The following OLFM3 variants were observed in gnomAD, a reference collection of about 807,000 sequenced individuals.
The protein encoded by OLFM3 is olfactomedin 3, also known as noelin-3.
In OLFM3, 20 loss-of-function variants were observed where a neutral mutation model predicts 48.6. The observed-to-expected ratio is 0.41, with a 90% CI of 0.29 to 0.60. The LOEUF (loss-of-function observed/expected upper bound fraction) is 0.60, where lower values mean the gene tolerates loss of function less well. OLFM3 is among the 20% of genes least tolerant of loss of function. The pLI, the probability that OLFM3 is intolerant of heterozygous loss-of-function variation, is 0.28. For synonymous variants in OLFM3, 222 were observed against 198.1 expected, an observed-to-expected ratio of 1.12 and a Z score of -1.01; for missense variants, 437 against 544.3, an observed-to-expected ratio of 0.80 and a Z score of 1.96.
intron 1 of OLFM3, chr1:101,910,262 C>G (rs1158576091): frequency 3.6e-6 from 1 of 274,464 alleles, no homozygotes; most frequent in Non-Finnish European, 5.6e-6. Context: ...GTCAGGAGAT[C>G]GAGACCATTC....
chr1:101,961,987 T>C (rs1191856398), intron 1 of OLFM3, among the ~76,000 whole-genome samples: 3 of 152,326 alleles, frequency 2.0e-5, no homozygotes, highest in South Asian at 2.1e-4. Flanking sequence ...TTAACACTTC[T>C]GTCAACATTT....
intron 3 of OLFM3, 152 bp from the exon 4 acceptor site, chr1:101,825,397 A>G: frequency 1.5e-6 from 1 of 651,256 alleles, no homozygotes; most frequent in Non-Finnish European, 2.6e-6. Flanking sequence ...TGAAAATTTA[A>G]GCGGTCATGT....
At chr1:101,908,932 G>C (rs1004644846) in intron 1 of OLFM3, among the ~76,000 whole-genome samples, 1 of 152,158 alleles carries the variant, frequency 6.6e-6, no homozygotes, top group Non-Finnish European at 1.5e-5. Flanking sequence ...TTTGGTTCCA[G>C]AACTATAAAA....
chr1:101,945,348 A>G (rs1194375840), intron 1 of OLFM3, among the ~76,000 whole-genome samples: 3 of 152,246 alleles, frequency 2.0e-5, no homozygotes, highest in Non-Finnish European at 4.4e-5. Context: ...AACTATTGAT[A>G]TACACAACAA....
At chr1:101,849,885 A>T (rs1032884921) in intron 1 of OLFM3, among the ~76,000 whole-genome samples, 8 of 152,166 alleles carry the variant, frequency 5.3e-5, no homozygotes, top group Non-Finnish European at 8.8e-5. Context: ...AAGAAGATAG[A>T]ATTTATTGTC....
intron 1 of OLFM3, among the ~76,000 whole-genome samples, chr1:101,845,518 C>A (rs1655951674): frequency 6.6e-6 from 1 of 152,020 alleles, no homozygotes; most frequent in African/African-American, 2.4e-5. Context: ...GTTAATTCAA[C>A]AATGATGTTG....
intron 1 of OLFM3, among the ~76,000 whole-genome samples, chr1:101,876,884 C>A (rs1219901952): frequency 1.3e-5 from 2 of 151,822 alleles, no homozygotes; most frequent in East Asian, 3.9e-4. Flanking sequence ...GGGATGGACA[C>A]AAGATTTGCA....
chr1:101,956,100 T>TA (rs55742266), intron 1 of OLFM3, among the ~76,000 whole-genome samples: 13 of 145,530 alleles, frequency 8.9e-5, no homozygotes, highest in Non-Finnish European at 1.4e-4. Flanking sequence ...TTTTTTTTTT[T>TA]TTTAAAAAAA....
chr1:101,988,045 G>T (rs903029145), intron 1 of OLFM3, among the ~76,000 whole-genome samples: 9 of 151,878 alleles, frequency 5.9e-5, no homozygotes, highest in African/African-American at 2.2e-4. Context: ...GTAGAAAAAT[G>T]GAGGCAATAT....
At chr1:101,817,334 T>G (rs1188855212) in intron 4 of OLFM3, among the ~76,000 whole-genome samples, 1 of 152,146 alleles carries the variant, frequency 6.6e-6, no homozygotes, top group Admixed American at 6.6e-5. Flanking sequence ...CAGTAAGATA[T>G]GAAAACATTA....
At chr1:101,846,743 C>G (rs1656012749) in intron 1 of OLFM3, 1 of 773,096 alleles carries the variant, frequency 1.3e-6, no homozygotes, top group East Asian at 2.5e-5. Flanking sequence ...TGAAGCTGAC[C>G]TGTAAAGGCA....
intron 1 of OLFM3, among the ~76,000 whole-genome samples, chr1:101,942,734 C>A (rs1190719143): frequency 6.6e-6 from 1 of 152,152 alleles, no homozygotes; most frequent in African/African-American, 2.4e-5. Context: ...TTTTCTCCCA[C>A]AGTTAATGAA....
At chr1:101,887,822 T>C (rs1407901886) in intron 1 of OLFM3, among the ~76,000 whole-genome samples, 3 of 151,270 alleles carry the variant, frequency 2.0e-5, no homozygotes, top group Admixed American at 6.6e-5. Context: ...GAGCACATTA[T>C]ACAGAAAAAA....
At chr1:101,844,670 G>A (rs775900505) in intron 1 of OLFM3, among the ~76,000 whole-genome samples, 5 of 152,294 alleles carry the variant, frequency 3.3e-5, no homozygotes, top group African/African-American at 7.2e-5. Context: ...ACAAGCAGTT[G>A]ATTGTGTGGG....
intron 1 of OLFM3, among the ~76,000 whole-genome samples, chr1:101,873,503 A>C (rs1657173983): frequency 6.6e-6 from 1 of 151,944 alleles, no homozygotes. Context: ...AAAATACAGC[A>C]ACCCTGTAAG....
At chr1:101,958,356 C>T (rs561327748) in intron 1 of OLFM3, among the ~76,000 whole-genome samples, 1 of 152,146 alleles carries the variant, frequency 6.6e-6, no homozygotes, top group Admixed American at 6.6e-5. Flanking sequence ...CTTTTCTACA[C>T]TGTGAGGCAG....
intron 1 of OLFM3, chr1:101,859,997 C>T (rs1282497036): frequency 2.6e-5 from 4 of 152,054 alleles, no homozygotes; most frequent in Non-Finnish European, 4.4e-5. Flanking sequence ...GTAAACAAAA[C>T]ACTTTTTGAG....
chr1:101,954,030 C>T (rs546235701), intron 1 of OLFM3, among the ~76,000 whole-genome samples: 15 of 152,086 alleles, frequency 9.9e-5, no homozygotes, highest in South Asian at 8.3e-4. Context: ...TTATGAATCA[C>T]GGTGCTAATA....
In OLFM3 at chr1:101,806,222, C is replaced by T. The variant is rs781052092; in HGVS notation, c.593-40G>A. On this transcript the variant is annotated intron_variant, in intron 4 of 5. Coordinates refer to ENST00000370103, the MANE Select transcript of OLFM3 (RefSeq NM_058170.4). ...ACACAAACGTGTTAGGTGAACGCAG[C>T]CAATGATTCCAATACGCATACTCAC... 12 of 1,429,326 alleles carry T rather than the reference C, an allele frequency of 8.4e-6. No individual in the cohort carries two copies. In the East Asian group the frequency reaches 2.1e-4, roughly 24 times the overall value. The allele number at this position is 1,429,326 out of a possible 1,614,324, so 88.5% of individuals were successfully genotyped here.
Sources: gnomAD v4.1 joint callset for allele counts (sites outside exome capture counted in the v4.1 genomes callset) on GRCh38, gnomAD v4.1.1 for gene constraint, MANE v1.5 for transcripts, NCBI Gene and HGNC (gene_info 2026-07-23, HGNC 2026-07-21) for gene names.